GPM6A: variants seen among roughly 807,000 people sequenced by gnomAD.
GPM6A encodes glycoprotein M6A, also known as neuronal membrane glycoprotein M6-a.
Under a neutral mutation model 32.1 loss-of-function variants are expected in GPM6A, and 7 were observed. The ratio of observed to expected loss-of-function variants is 0.22; its 90% CI spans 0.12 to 0.41. The LOEUF (loss-of-function observed/expected upper bound fraction) is 0.41, where lower values mean the gene tolerates loss of function less well. GPM6A is among the 10% of genes least tolerant of loss of function. The pLI is 1.00. For synonymous variants in GPM6A, 130 were observed against 123.4 expected (o/e 1.05, Z -0.35); for missense variants, 235 against 347.2 (o/e 0.68, Z 2.57).
At chr4:175,862,143 G>A (rs1381216017) in intron 1 of GPM6A, among the ~76,000 whole-genome samples, 2 of 152,122 alleles carry the variant, frequency 1.3e-5, no homozygotes, top group African/African-American at 4.8e-5. Flanking sequence ...GAGGCTATAA[G>A]TTCCCTTAAA....
intron 1 of GPM6A, among the ~76,000 whole-genome samples, chr4:175,944,575 C>T (rs1294165695): frequency 2.6e-5 from 4 of 152,180 alleles, no homozygotes; most frequent in Non-Finnish European, 1.5e-5. Context: ...ATTATTACCA[C>T]ATATGGAGAG....
At chr4:175,795,196 G>A (rs1326946224) in intron 1 of GPM6A, among the ~76,000 whole-genome samples, 2 of 152,200 alleles carry the variant, frequency 1.3e-5, no homozygotes, top group African/African-American at 2.4e-5. Flanking sequence ...GATGACAGAT[G>A]TGATGGAAGT....
At chr4:175,811,888 G>T in intron 1 of GPM6A, 1 of 226,496 alleles carries the variant, frequency 4.4e-6, no homozygotes, top group Non-Finnish European at 8.5e-6. Flanking sequence ...CGGCAAGTGT[G>T]AAATCACGAA....
chr4:175,782,379 G>T (rs777011987), intron 1 of GPM6A, among the ~76,000 whole-genome samples: 1 of 151,988 alleles, frequency 6.6e-6, no homozygotes, highest in African/African-American at 2.4e-5. Context: ...CTACAAAAAA[G>T]TCACCCTTAT....
At chr4:175,702,332 A>C (rs2111066797) in intron 1 of GPM6A, among the ~76,000 whole-genome samples, 2 of 152,332 alleles carry the variant, frequency 1.3e-5, no homozygotes, top group South Asian at 2.1e-4. Context: ...CGGAACATTA[A>C]GATTCTTCTC....
upstream of GPM6A, among the ~76,000 whole-genome samples, chr4:175,816,911 G>C (rs1304987240): frequency 4.0e-5 from 6 of 151,676 alleles, no homozygotes; most frequent in Non-Finnish European, 8.8e-5. Flanking sequence ...CCAGGCTGGA[G>C]TGCAGCGGCG....
intron 1 of GPM6A, among the ~76,000 whole-genome samples, chr4:175,995,734 GT>G (rs1741288535): frequency 6.6e-6 from 1 of 152,078 alleles, no homozygotes. Context: ...CAATAAGAAA[GT>G]TTATACAACT....
intron 1 of GPM6A, among the ~76,000 whole-genome samples, chr4:175,885,178 G>A (rs1243514697): frequency 6.6e-6 from 1 of 152,172 alleles, no homozygotes; most frequent in Non-Finnish European, 1.5e-5. Flanking sequence ...ACCATGGAGT[G>A]AAATACTACA....
chr4:175,729,592 G>A lies in GPM6A; in HGVS notation c.38-27825C>T, dbSNP rs1731324819. Among the ~76,000 whole-genome samples, 4 of 152,008 alleles carry A rather than the reference G, an allele frequency of 2.6e-5. No individual in the cohort carries two copies. The South Asian group carries it at 6.2e-4, about 24-fold the overall frequency. ...TGTTCATTTAAAAATAACTAAAAGAGTATAAGTGGATTGTTTGGAACAAAA... is the reference window on the plus strand; with the variant it reads ...TGTTCATTTAAAAATAACTAAAAGAATATAAGTGGATTGTTTGGAACAAAA... On this transcript the variant is annotated intron_variant, in intron 1 of 6. Coordinates refer to ENST00000393658, the MANE Select transcript of GPM6A (RefSeq NM_201591.3).
At chr4:175,650,278 ATTTAT>A (rs1741710842) in intron 4 of GPM6A, among the ~76,000 whole-genome samples, 1 of 8,146 alleles carries the variant, frequency 1.2e-4, no homozygotes, top group Non-Finnish European at 1.2e-3. Flanking sequence ...TATTTTATTT[ATTTAT>A]TTATTTATTT....
At chr4:175,674,255 G>A (rs1311897536) in intron 2 of GPM6A, among the ~76,000 whole-genome samples, 2 of 152,120 alleles carry the variant, frequency 1.3e-5, no homozygotes, top group Non-Finnish European at 2.9e-5. Context: ...TCGGCTCGCT[G>A]CAACTTCTGC....
intron 1 of GPM6A, among the ~76,000 whole-genome samples, chr4:175,840,920 CT>C (rs1036598639): frequency 8.5e-5 from 13 of 152,156 alleles, no homozygotes. Context: ...GCTCAAATTA[CT>C]TTTTTAAGTC....
chr4:175,829,005 C>T (rs1323045942), intron 1 of GPM6A, among the ~76,000 whole-genome samples: 1 of 152,120 alleles, frequency 6.6e-6, no homozygotes, highest in African/African-American at 2.4e-5. Flanking sequence ...CTCACTGCAA[C>T]CTCCACCTCC....
chr4:175,903,669 G>C (rs555083057), intron 1 of GPM6A, among the ~76,000 whole-genome samples: 2 of 152,232 alleles, frequency 1.3e-5, no homozygotes, highest in East Asian at 3.9e-4. Context: ...ATTTAATCTT[G>C]AGGAATCAGC....
At chr4:175,956,224 C>A (rs186485854) in intron 1 of GPM6A, among the ~76,000 whole-genome samples, 4 of 152,278 alleles carry the variant, frequency 2.6e-5, no homozygotes, top group African/African-American at 7.2e-5. Flanking sequence ...ACCAGAAAGA[C>A]ACATGTTCTG....
chr4:175,818,418 G>T (rs1365698764), intron 1 of GPM6A, among the ~76,000 whole-genome samples: 1 of 152,098 alleles, frequency 6.6e-6, no homozygotes, highest in Non-Finnish European at 1.5e-5. Context: ...CTCAAAGTCT[G>T]CAATATACAT....
intron 1 of GPM6A, among the ~76,000 whole-genome samples, chr4:175,923,477 A>T (rs998840433): frequency 1.3e-5 from 2 of 151,072 alleles, no homozygotes; most frequent in Non-Finnish European, 2.9e-5. Context: ...ATGGAGGGGA[A>T]GGTTCCAAGC....
chr4:175,972,147 C>A (rs1306327309), intron 1 of GPM6A, among the ~76,000 whole-genome samples: 1 of 151,984 alleles, frequency 6.6e-6, no homozygotes, highest in East Asian at 1.9e-4. Context: ...CTCAAAGAAC[C>A]CCCGTGTAGC....
At chr4:175,765,265 TTTTC>T (rs1446141081) in intron 1 of GPM6A, among the ~76,000 whole-genome samples, 4 of 152,134 alleles carry the variant, frequency 2.6e-5, no homozygotes, top group Admixed American at 6.6e-5. Flanking sequence ...CCTCTCCCAC[TTTTC>T]TTTATTATCA....
Sources: gnomAD v4.1 joint callset for allele counts (sites outside exome capture counted in the v4.1 genomes callset) on GRCh38, gnomAD v4.1.1 for gene constraint, MANE v1.5 for transcripts, NCBI Gene and HGNC (gene_info 2026-07-23, HGNC 2026-07-21) for gene names.